Variants in GRID2 observed in about 807,000 individuals in gnomAD.
The protein encoded by GRID2 is glutamate receptor ionotropic, delta-2.
GRID2 carries 33 observed loss-of-function variants against 114.8 expected under a neutral mutation model. That is an observed-to-expected ratio of 0.29 (90% CI 0.22 to 0.38). The LOEUF is 0.38. GRID2 is among the 10% of genes least tolerant of loss of function. GRID2 has a pLI of 1.00. For synonymous variants in GRID2, 505 were observed against 449.9 expected (o/e 1.12, Z -1.55); for missense variants, 1,184 against 1,257.7 (o/e 0.94, Z 0.89).
At chr4:92,626,860 A>G (rs1167769260) in intron 2 of GRID2, among the ~76,000 whole-genome samples, 1 of 152,136 alleles carries the variant, frequency 6.6e-6, no homozygotes, top group Non-Finnish European at 1.5e-5. Context: ...GGTATGGTTA[A>G]TTTGTTTAAA....
At chr4:92,598,585 T>C (rs1351030778) in intron 2 of GRID2, among the ~76,000 whole-genome samples, 1 of 152,128 alleles carries the variant, frequency 6.6e-6, no homozygotes, top group Non-Finnish European at 1.5e-5. Context: ...CTGCCTTTAT[T>C]TTATGTATGA....
intron 13 of GRID2, among the ~76,000 whole-genome samples, chr4:93,607,580 C>T (rs1740381878): frequency 6.6e-6 from 1 of 152,106 alleles, no homozygotes; most frequent in South Asian, 2.1e-4. Context: ...GACCAAAAGA[C>T]ATCTATGTAT....
At chr4:93,593,998 G>C (rs1300058437) in intron 13 of GRID2, among the ~76,000 whole-genome samples, 1 of 151,760 alleles carries the variant, frequency 6.6e-6, no homozygotes. Flanking sequence ...CCTTTGGTTT[G>C]AATGTCCTCC....
chr4:92,709,171 CACAT>C (rs771150888), intron 2 of GRID2, among the ~76,000 whole-genome samples: 51 of 152,152 alleles, frequency 3.4e-4, no homozygotes, highest in Non-Finnish European at 6.3e-4. Context: ...AATTTTCTCT[CACAT>C]ACAGATTAAG....
intron 5 of GRID2, among the ~76,000 whole-genome samples, chr4:93,211,864 G>A (rs972478445): frequency 1.3e-5 from 2 of 152,038 alleles, no homozygotes; most frequent in African/African-American, 4.8e-5. Context: ...ACCATTATTG[G>A]CTGGTATATC....
chr4:92,464,256 CCT>C (rs1216858039), intron 1 of GRID2, among the ~76,000 whole-genome samples: 11 of 151,906 alleles, frequency 7.2e-5, no homozygotes, highest in Non-Finnish European at 2.9e-5. Flanking sequence ...TTCATCTTGC[CCT>C]TTCTCTTAGT....
At chr4:92,823,537 C>T (rs1741446369) in intron 2 of GRID2, among the ~76,000 whole-genome samples, 1 of 152,062 alleles carries the variant, frequency 6.6e-6, no homozygotes, top group South Asian at 2.1e-4. Flanking sequence ...GTCTGTTTGA[C>T]TAGAAAACTC....
chr4:93,708,925 T>G (rs541119381), intron 14 of GRID2, among the ~76,000 whole-genome samples: 1 of 152,198 alleles, frequency 6.6e-6, no homozygotes, highest in Non-Finnish European at 1.5e-5. Flanking sequence ...CCCATTATTT[T>G]AAACTGATGA....
At chr4:93,376,359 T>G (rs1339279501) in intron 8 of GRID2, among the ~76,000 whole-genome samples, 2 of 152,096 alleles carry the variant, frequency 1.3e-5, no homozygotes, top group Non-Finnish European at 2.9e-5. Context: ...CTTCTAGATT[T>G]ACCAATTTGC....
chr4:93,281,458 C>T lies in GRID2; in HGVS notation c.1245+42968C>T, dbSNP rs185405610. The stretch of plus-strand genomic sequence containing the variant: ...GCCATTTTAAAATGTCGACTTTAAG[C>T]GACATGTTGAGGCATTGGAGAGTTT... On this transcript the variant is annotated intron_variant, in intron 8 of 15. Transcript: ENST00000282020. Among the ~76,000 whole-genome samples the T allele has an allele frequency of 2.1e-3, 325 of 151,832 alleles. 2 individuals carry two copies. The highest frequency in any genetic ancestry group is 7.2e-3 in the African/African-American group (297 of 41,438).
Position 93,782,658 on chromosome 4 carries a change from C to T in GRID2, c.221+13208C>T, listed in dbSNP as rs548559038. ...CAGGATCTTGTCTACTGACTCTAAC[C>T]AACTTTCAACACTGAGGCCATAATC... On this transcript the variant is annotated intron_variant, in intron 1 of 1. Coordinates refer to the GRID2 transcript ENST00000637838. Among the ~76,000 whole-genome samples, 345 of 152,228 alleles carry T rather than the reference C, an allele frequency of 2.3e-3. 12 individuals carry two copies. In the South Asian group the frequency reaches 0.068, roughly 30 times the overall value.
intron 2 of GRID2, among the ~76,000 whole-genome samples, chr4:92,989,348 A>ATG (rs1453200749): frequency 1.3e-5 from 2 of 150,254 alleles, no homozygotes; most frequent in Non-Finnish European, 3.0e-5. Flanking sequence ...GTGCATGTTT[A>ATG]TGTGTGTGTA....
At chr4:92,854,046 A>G (rs973316177) in intron 2 of GRID2, among the ~76,000 whole-genome samples, 1 of 151,650 alleles carries the variant, frequency 6.6e-6, no homozygotes, top group Non-Finnish European at 1.5e-5. Flanking sequence ...TCTGTGGTGC[A>G]ATGACTCCAG....
chr4:93,330,699 A>G (rs1758331557), intron 8 of GRID2, among the ~76,000 whole-genome samples: 1 of 152,140 alleles, frequency 6.6e-6, no homozygotes, highest in Non-Finnish European at 1.5e-5. Context: ...ATCTGTTTAG[A>G]TGAGTCTGTA....
At chr4:93,800,552 A>AAAG (rs1167867205) in intron 1 of GRID2, among the ~76,000 whole-genome samples, 2 of 152,184 alleles carry the variant, frequency 1.3e-5, no homozygotes, top group Non-Finnish European at 2.9e-5. Context: ...ATTTAAATAA[A>AAAG]AAGGCCCCCA....
intron 2 of GRID2, among the ~76,000 whole-genome samples, chr4:92,908,511 G>A (rs895781464): frequency 8.7e-5 from 12 of 138,220 alleles, no homozygotes; most frequent in African/African-American, 3.3e-4. Context: ...GCAGTGAGTC[G>A]ACATCGTGCC....
intron 8 of GRID2, chr4:93,306,184 C>T (rs923485675): frequency 7.2e-5 from 11 of 152,156 alleles, no homozygotes; most frequent in Non-Finnish European, 1.2e-4. Context: ...CAGGCTAAGC[C>T]AGAGATAACA....
chr4:92,381,091 A>G (rs1283283727), intron 1 of GRID2, among the ~76,000 whole-genome samples: 1 of 152,066 alleles, frequency 6.6e-6, no homozygotes, highest in Non-Finnish European at 1.5e-5. Context: ...TATAGTAGAT[A>G]CCATACATTA....
intron 14 of GRID2, among the ~76,000 whole-genome samples, chr4:93,631,129 G>A (rs573966567): frequency 5.9e-5 from 9 of 152,036 alleles, no homozygotes; most frequent in Non-Finnish European, 1.3e-4. Flanking sequence ...CAAAAACTGG[G>A]TCTCTTAACC....
Sources: gnomAD v4.1 joint callset for allele counts (sites outside exome capture counted in the v4.1 genomes callset) on GRCh38, gnomAD v4.1.1 for gene constraint, MANE v1.5 for transcripts, NCBI Gene and HGNC (gene_info 2026-07-23, HGNC 2026-07-21) for gene names.